The following SLC5A8 variants were observed in gnomAD, a reference collection of about 807,000 sequenced individuals.
The protein encoded by SLC5A8 is sodium-coupled monocarboxylate transporter 1.
Under a neutral mutation model 71.9 loss-of-function variants are expected in SLC5A8, and 55 were observed. The observed-to-expected ratio is 0.77, with a 90% CI of 0.62 to 0.96. The LOEUF is 0.96. SLC5A8 is among the 40% of genes least tolerant of loss of function. SLC5A8 has a pLI of 0.00. For synonymous variants in SLC5A8, 307 were observed against 276.1 expected (o/e 1.11, Z -1.11); for missense variants, 701 against 745.3 (o/e 0.94, Z 0.69).
rs369745239 is a variant in SLC5A8, at chr12:101,188,082, C to T, written c.834-567G>A. ...CTCCAGTAGAGAATAAAGGTTTACA[C>T]ACAGCACTGGAGCCAGTCCTGAGCA... On this transcript the variant is annotated intron_variant, in intron 6 of 14. Transcript: ENST00000536262. 5.3e-5 allele frequency among the ~76,000 whole-genome samples: 8 copies of T among 152,180 alleles called. No homozygotes were observed. In the East Asian group the frequency reaches 9.6e-4, roughly 18 times the overall value.
rs144574939 is a variant in SLC5A8, at chr12:101,187,389, G to A, written c.960C>T (p.Asp320=). Residue 320 remains aspartate, a synonymous_variant, in exon 7 of 15, where the codon GAC becomes GAT. Coordinates refer to ENST00000536262, the MANE Select transcript of SLC5A8 (RefSeq NM_145913.5). The part of the protein sequence containing the change: ...PWTAKKVSAP[D]QLMPYLVLDI... The stretch of plus-strand genomic sequence containing the variant: ...TAAGAAAGACATGGTACTGAACCTG[G>A]TCTGGTGCAGACACTTTCTTGGCTG... The A allele has an allele frequency of 2.1e-4, 343 of 1,613,154 alleles. 3 individuals are homozygous for A. The East Asian group carries it at 6.7e-3, about 32-fold the overall frequency.
At chr12:101,169,029 TGGAAGAAGAAAAG>T (rs762649342) in intron 10 of SLC5A8, among the ~76,000 whole-genome samples, 48 of 152,160 alleles carry the variant, frequency 3.2e-4, no homozygotes, top group Admixed American at 2.0e-3. Context: ...GCCTACTTCA[TGGAAGAAGAAAAG>T]GATGTGGTAC....
intron 7 of SLC5A8, among the ~76,000 whole-genome samples, chr12:101,185,120 G>A (rs1868575296): frequency 6.6e-6 from 1 of 152,160 alleles, no homozygotes; most frequent in Non-Finnish European, 1.5e-5. Flanking sequence ...GGATATGGAA[G>A]AACTTCCTCC....
chr12:101,170,193 C>T (rs921956062), intron 10 of SLC5A8, among the ~76,000 whole-genome samples: 2 of 152,178 alleles, frequency 1.3e-5, no homozygotes, highest in Non-Finnish European at 2.9e-5. Context: ...AGGCCCACAG[C>T]TCCACAGGAA....
At chr12:101,176,867 AC>A (rs2051884292) in intron 10 of SLC5A8, among the ~76,000 whole-genome samples, 1 of 152,110 alleles carries the variant, frequency 6.6e-6, no homozygotes, top group African/African-American at 2.4e-5. Context: ...CTAAGATCCC[AC>A]CTCGAAAACA....
intron 13 of SLC5A8, among the ~76,000 whole-genome samples, chr12:101,158,981 T>G (rs1207216646): frequency 6.6e-6 from 1 of 151,912 alleles, no homozygotes; most frequent in Non-Finnish European, 1.5e-5. Context: ...CTATTTTGCT[T>G]TGGTATTTTT....
chr12:101,187,519 A>G lies in SLC5A8; in HGVS notation c.834-4T>C, dbSNP rs754545795. ...CACAAGATTGATGTAGAGAGACCTA[A>G]AGAAGTGAAAACAAACCAGCAAAAG... is the stretch of plus-strand genomic sequence containing the variant. On this transcript the variant is annotated splice_polypyrimidine_tract_variant and splice_region_variant and intron_variant, in intron 6 of 14. Transcript: ENST00000536262. 2.5e-6 allele frequency: 4 copies of G among 1,598,864 alleles called. No homozygotes were observed. Among genetic ancestry groups the G allele is most frequent in the Non-Finnish European group, 2.6e-6 (3 of 1,174,750 alleles).
intron 10 of SLC5A8, among the ~76,000 whole-genome samples, chr12:101,168,885 A>C (rs372878972): frequency 2.0e-5 from 3 of 152,236 alleles, no homozygotes; most frequent in African/African-American, 7.2e-5. Flanking sequence ...ATAAAAGAAG[A>C]GCAGGGAATC....
chr12:101,160,114 A>G (rs1402527553), intron 13 of SLC5A8, among the ~76,000 whole-genome samples: 1 of 152,168 alleles, frequency 6.6e-6, no homozygotes, highest in Non-Finnish European at 1.5e-5. Context: ...CGCAGGAGGC[A>G]GAGGTTACAG....
chr12:101,165,421 G>T (rs2051759903), intron 12 of SLC5A8, among the ~76,000 whole-genome samples: 1 of 152,026 alleles, frequency 6.6e-6, no homozygotes, highest in Non-Finnish European at 1.5e-5. Flanking sequence ...CTCCCTTTCT[G>T]ACTCTGATGA....
intron 10 of SLC5A8, among the ~76,000 whole-genome samples, chr12:101,176,345 C>G (rs2051880075): frequency 6.6e-6 from 1 of 151,838 alleles, no homozygotes; most frequent in African/African-American, 2.4e-5. Context: ...GGGAAATAGA[C>G]AAATACACAA....
At chr12:101,176,213 A>G (rs1475867409) in intron 10 of SLC5A8, among the ~76,000 whole-genome samples, 1 of 152,054 alleles carries the variant, frequency 6.6e-6, no homozygotes. Flanking sequence ...AATATAAAAT[A>G]AATACACCTC....
At chr12:101,209,422 A>C (rs1001185717) in intron 1 of SLC5A8, 76 bp downstream of exon 1, 5 of 1,183,200 alleles carry the variant, frequency 4.2e-6, no homozygotes, top group Non-Finnish European at 5.8e-6. Flanking sequence ...GTCTGCCCCC[A>C]AGAAAACGCC....
chr12:101,202,146 G>C lies in SLC5A8; in HGVS notation c.469+18C>G. 6.2e-7 allele frequency: 1 copy of C among 1,611,240 alleles called. No homozygotes were observed. Among genetic ancestry groups the C allele is most frequent in the South Asian group, 1.1e-5 (1 of 90,900 alleles). On this transcript the variant is annotated intron_variant, in intron 3 of 14. Coordinates refer to ENST00000536262, the MANE Select transcript of SLC5A8 (RefSeq NM_145913.5). ...ACCCCAAAATGTGAGTTACCTAACT[G>C]GCAACTCTAAAATGTACCTTGATTC...
chr12:101,193,895 G>T, intron 4 of SLC5A8, 116 bp from the exon 5 acceptor site: 2 of 1,011,890 alleles, frequency 2.0e-6, no homozygotes, highest in South Asian at 1.9e-5. Context: ...GCTAAGAAGT[G>T]CACTCAAGGG....
chr12:101,197,224 T>C (rs907964622), intron 3 of SLC5A8, among the ~76,000 whole-genome samples: 1 of 152,168 alleles, frequency 6.6e-6, no homozygotes, highest in African/African-American at 2.4e-5. Context: ...AGAAAGCAAA[T>C]AGTTGATAAG....
At chr12:101,187,258 A>T (rs1177923077) in intron 7 of SLC5A8, 128 bp downstream of exon 7, 3 of 1,033,684 alleles carry the variant, frequency 2.9e-6, no homozygotes. Flanking sequence ...AAAGTTTTAT[A>T]GAAATGTAAG....
At chr12:101,179,934 G>A (rs1189813209) in intron 10 of SLC5A8, 95 bp downstream of exon 10, 11 of 1,290,882 alleles carry the variant, frequency 8.5e-6, no homozygotes, top group African/African-American at 1.5e-5. Context: ...TCCAGGTGTC[G>A]ATATATATCG....
At position 101,182,906 on chromosome 12, in the gene SLC5A8, G is replaced by A; in HGVS notation, c.1062C>T (p.Ser354=). The part of the protein sequence containing the change: ...CAYSGTLSTV[S]SSINALAAVT... Reference sequence around the variant, plus strand: ...CTGCTGCTAAGGCATTAATACTGGAGGACACTGTGCTGTAAGGGAAAATAA... The same window carrying A: ...CTGCTGCTAAGGCATTAATACTGGAAGACACTGTGCTGTAAGGGAAAATAA... Residue 354 remains serine (S), a synonymous_variant, in exon 9 of 15, where the codon TCC becomes TCT. Coordinates refer to ENST00000536262, the MANE Select transcript of SLC5A8 (RefSeq NM_145913.5). 1 of 1,567,328 alleles carries A rather than the reference G, an allele frequency of 6.4e-7. No individual in the cohort carries two copies. The highest frequency in any genetic ancestry group is 1.4e-5 in the African/African-American group (1 of 71,856).
Sources: allele counts gnomAD v4.1 joint callset (sites outside exome capture counted in the v4.1 genomes callset), GRCh38; gene constraint gnomAD v4.1.1; transcripts MANE v1.5; gene names NCBI Gene and HGNC (gene_info 2026-07-23, HGNC 2026-07-21).